The following INTS8 variants were observed in gnomAD, a reference collection of about 807,000 sequenced individuals.
INTS8 encodes protein kaonashi-1.
Under a neutral mutation model 138.9 loss-of-function variants are expected in INTS8, and 47 were observed. The observed-to-expected ratio is 0.34, with a 90% confidence interval of 0.27 to 0.43. INTS8 has a LOEUF of 0.43. Ranked by LOEUF, INTS8 falls within the 20% of genes least tolerant of loss-of-function variation. The pLI is 1.00. For missense variants in INTS8, 996 were observed against 1,173.0 expected, an observed-to-expected ratio of 0.85 and a Z score of 2.20; for synonymous variants, 392 against 400.9, an observed-to-expected ratio of 0.98 and a Z score of 0.27.
At chr8:94,866,298 A>G (rs1816175204) in intron 18 of INTS8, 107 bp downstream of exon 18, 1 of 703,126 alleles carries the variant, frequency 1.4e-6, no homozygotes, top group African/African-American at 1.8e-5. Context: ...TTTGTTTTTT[A>G]ATTTTTTTTT....
In INTS8 at chr8:94,832,069, G is replaced by A. The variant is rs774632834; in HGVS notation, c.648G>A (p.Thr216=). Residue 216 remains threonine, a synonymous_variant, in exon 6 of 27, where the codon ACG becomes ACA. Transcript: ENST00000523731. ...TAAACAAGGATCTTTATGTCCATACGATGAGAACTCTAGATTTATTGGCCA... is the reference window on the plus strand; with the variant it reads ...TAAACAAGGATCTTTATGTCCATACAATGAGAACTCTAGATTTATTGGCCA... ...LKLNKDLYVH[T]MRTLDLLAME... is the part of the protein sequence containing the mutation. 4.3e-6 allele frequency: 7 copies of A among 1,613,598 alleles called. No homozygotes were observed. Among genetic ancestry groups the A allele is most frequent in the Admixed American group, 3.3e-5 (2 of 59,992 alleles).
At chr8:94,835,282 T>A (rs115193753) in intron 6 of INTS8, among the ~76,000 whole-genome samples, 1,676 of 152,354 alleles carry the variant, frequency 0.011, 31 homozygotes, top group African/African-American at 0.039. Context: ...TGTATTCTTA[T>A]CCATAAAATG....
intron 20 of INTS8, among the ~76,000 whole-genome samples, chr8:94,871,477 CA>C (rs35614739): frequency 1.5e-3 from 196 of 128,984 alleles, no homozygotes; most frequent in African/African-American, 2.4e-3. Flanking sequence ...GACTCCGTCT[CA>C]AAAAAAAAAA....
At position 94,875,324 on chromosome 8, in the gene INTS8, C is replaced by T. The variant is rs116273515; in HGVS notation, c.2688+722C>T. ...AATGAGTTACTGTTACGTGGTACAGCATGGCTGAACCTTGAAAGATTATGC... is the reference window on the plus strand; with the variant it reads ...AATGAGTTACTGTTACGTGGTACAGTATGGCTGAACCTTGAAAGATTATGC... On this transcript the variant is annotated intron_variant, in intron 23 of 26. Coordinates refer to ENST00000523731, the MANE Select transcript of INTS8 (RefSeq NM_017864.4). 2.6e-3 allele frequency among the ~76,000 whole-genome samples: 391 copies of T among 152,264 alleles called. 4 individuals are homozygous for T. Among genetic ancestry groups the T allele is most frequent in the African/African-American group, 9.1e-3 (377 of 41,562 alleles).
chr8:94,827,673 G>T (rs780822843), intron 3 of INTS8, 49 bp from the exon 4 acceptor site: 1 of 1,444,666 alleles, frequency 6.9e-7, no homozygotes, highest in East Asian at 2.3e-5. Flanking sequence ...AAATAATTGA[G>T]ATGACATTTA....
chr8:94,826,342 C>T (rs1040053318), intron 2 of INTS8, among the ~76,000 whole-genome samples: 27 of 151,698 alleles, frequency 1.8e-4, no homozygotes, highest in African/African-American at 5.6e-4. Context: ...AGTGCAGTGG[C>T]GCGATATTCG....
In INTS8 at chr8:94,871,775, T is replaced by C. The variant is rs1816406436; in HGVS notation, c.2415-109T>C. ...TTTACTCCTAGTATTTAGCATTATATTTATGTTCACCTAAATCTTGGCTGA... is the reference window on the plus strand; with the variant it reads ...TTTACTCCTAGTATTTAGCATTATACTTATGTTCACCTAAATCTTGGCTGA... On this transcript the variant is annotated intron_variant, in intron 20 of 26. Transcript: ENST00000523731. 4 of 707,240 alleles carry C rather than the reference T, an allele frequency of 5.7e-6. No homozygotes were observed. In the Admixed American group the frequency reaches 9.8e-5, roughly 17 times the overall value. The allele number at this position is 707,240 out of a possible 1,614,324, so 43.8% of individuals were successfully genotyped here. A position where few individuals can be genotyped will look rare whatever the true frequency, so the allele number is the denominator to read the frequency against.
In INTS8 at chr8:94,842,340, T is replaced by C; in HGVS notation, c.1119-7T>C. On this transcript the variant is annotated splice_polypyrimidine_tract_variant and splice_region_variant and intron_variant, in intron 9 of 26. Transcript: ENST00000523731. ...AACATTAGTTGATCTACTTTTGTAT[T>C]CTACAGAAATGAAGCTCTAGATGAA... 7 of 1,554,106 alleles carry C rather than the reference T, an allele frequency of 4.5e-6. No individual in the cohort carries two copies. The highest frequency in any genetic ancestry group is 6.1e-6 in the Non-Finnish European group (7 of 1,140,884).
At chr8:94,841,436 A>G (rs1815128960) in intron 8 of INTS8, 55 bp from the exon 9 acceptor site, 1 of 830,588 alleles carries the variant, frequency 1.2e-6, no homozygotes, top group Non-Finnish European at 1.9e-6. Flanking sequence ...TGTTTAAAGT[A>G]AAAAAACTTT....
intron 14 of INTS8, 145 bp downstream of exon 14, chr8:94,854,060 CCTT>C (rs1815653479): frequency 2.0e-6 from 1 of 511,718 alleles, no homozygotes; most frequent in African/African-American, 2.0e-5. Flanking sequence ...CATGGTGAAA[CCTT>C]CTCTCTACTA....
At chr8:94,873,226 G>C in intron 21 of INTS8, 148 bp from the exon 22 acceptor site, 1 of 719,938 alleles carries the variant, frequency 1.4e-6, no homozygotes, top group Admixed American at 1.9e-5. Context: ...AGGACATTTG[G>C]CAAGAAATAC....
rs769885978 is a variant in INTS8 at position 94,874,580 on chromosome 8, C to G, written c.2666C>G (p.Ser889Cys). Residue 889 changes from serine to cysteine, a missense_variant, in exon 23 of 27, where the codon TCT becomes TGT. Ser to Cys is a moderately radical substitution (Grantham distance 112). Coordinates refer to ENST00000523731, the MANE Select transcript of INTS8 (RefSeq NM_017864.4). ...QVIKRMIKCC[S>C]LLNCHTQVAI... ...ATAAAACGAATGATAAAATGTTGTT[C>G]TTTGCTGAATTGCCACACACAGGTT... The G allele has an allele frequency of 6.3e-7, 1 of 1,585,250 alleles. No homozygotes were observed. Among genetic ancestry groups the G allele is most frequent in the Non-Finnish European group, 8.7e-7 (1 of 1,154,616 alleles).
chr8:94,869,932 GC>G (rs1197156639), intron 20 of INTS8, among the ~76,000 whole-genome samples: 1 of 152,172 alleles, frequency 6.6e-6, no homozygotes, highest in Non-Finnish European at 1.5e-5. Flanking sequence ...CGGGGTTTGA[GC>G]CCCAGCCTTT....
intron 20 of INTS8, among the ~76,000 whole-genome samples, chr8:94,870,197 G>A (rs188896791): frequency 5.3e-5 from 8 of 151,942 alleles, no homozygotes; most frequent in Admixed American, 3.3e-4. Context: ...GGCTACAGGC[G>A]CCCACCACCA....
chr8:94,874,727 G>A (rs1011211348), intron 23 of INTS8, 125 bp downstream of exon 23: 3 of 555,310 alleles, frequency 5.4e-6, no homozygotes, highest in Non-Finnish European at 9.4e-6. Flanking sequence ...GTATGTAAGA[G>A]TTTGGCATAT....
In INTS8 at chr8:94,827,393, T is replaced by C. The variant is rs764147184; in HGVS notation, c.436T>C (p.Tyr146His). The change falls in exon 3 of 27, where the codon TAT (tyrosine) becomes CAT (histidine). Residue 146 changes from tyrosine (Y) to histidine (H), a missense_variant. Tyr to His is a moderately conservative substitution (Grantham distance 83). Transcript: ENST00000523731. ...PPTTAMAVLL[Y>H]NRWAIRTIVQ... The stretch of plus-strand genomic sequence containing the variant: ...GACCACTGCCATGGCTGTACTTCTC[T>C]ATAATAGATGGTAAATGTTTTCATA... 1 of 1,614,166 alleles carries C rather than the reference T, an allele frequency of 6.2e-7. No homozygotes were observed. Among genetic ancestry groups the C allele is most frequent in the South Asian group, 1.1e-5 (1 of 91,078 alleles).
chr8:94,875,833 G>T, intron 23 of INTS8: 1 of 425,442 alleles, frequency 2.4e-6, no homozygotes, highest in Admixed American at 4.1e-5. Context: ...TTCTGAACTG[G>T]CTTTTTGCCA....
intron 14 of INTS8, among the ~76,000 whole-genome samples, chr8:94,854,207 GAAA>G (rs770693182): frequency 2.7e-5 from 3 of 110,852 alleles, no homozygotes; most frequent in Admixed American, 2.0e-4. Context: ...GTCCATCTCG[GAAA>G]AAAAAAAAAA....
At chr8:94,864,362 C>G (rs1332355081) in intron 16 of INTS8, among the ~76,000 whole-genome samples, 1 of 152,094 alleles carries the variant, frequency 6.6e-6, no homozygotes, top group Non-Finnish European at 1.5e-5. Context: ...ACTGCACCCT[C>G]TACAAGAGCG....
Sources: gnomAD v4.1 joint callset for allele counts (sites outside exome capture counted in the v4.1 genomes callset) on GRCh38, gnomAD v4.1.1 for gene constraint, MANE v1.5 for transcripts, NCBI Gene and HGNC (gene_info 2026-07-23, HGNC 2026-07-21) for gene names.